The following RXFP2 variants were observed in gnomAD, a reference collection of about 807,000 sequenced individuals.
The protein encoded by RXFP2 is relaxin receptor 2.
A neutral mutation model predicts 88.6 loss-of-function variants in RXFP2; 68 were observed. That is an observed-to-expected ratio of 0.77 (90% CI 0.63 to 0.94). The LOEUF (loss-of-function observed/expected upper bound fraction) is 0.94. Among genes scored for constraint, RXFP2 ranks in the 40% least tolerant of loss-of-function variants. The pLI is 0.00. For synonymous variants in RXFP2, 329 were observed against 306.8 expected (o/e 1.07, Z -0.76); for missense variants, 791 against 893.9 (o/e 0.88, Z 1.47).
intron 14 of RXFP2, among the ~76,000 whole-genome samples, chr13:31,791,333 G>A (rs1359381415): frequency 3.3e-5 from 5 of 152,194 alleles, no homozygotes; most frequent in Admixed American, 3.3e-4. Flanking sequence ...GCCAGTGTCA[G>A]GGAAGAGGAG....
At chr13:31,801,786 A>G (rs923425989) in intron 17 of RXFP2, among the ~76,000 whole-genome samples, 4 of 152,294 alleles carry the variant, frequency 2.6e-5, no homozygotes, top group South Asian at 2.1e-4. Context: ...AGTTTTGTGA[A>G]CCTCACTCTA....
In RXFP2 at chr13:31,797,377, T is replaced by C. The variant is rs779744985; in HGVS notation, c.1963T>C (p.Phe655Leu). The stretch of plus-strand genomic sequence containing the variant: ...TGATGCCATCTGCTGGATTCCTGTA[T>C]TTGTAGTTAAAATCCTTTCCCTCTT... Reference protein sequence around the residue: ...FSDAICWIPVFVVKILSLFRV... With the variant: ...FSDAICWIPVLVVKILSLFRV... Residue 655 changes from phenylalanine (F) to leucine (L), a missense_variant, in exon 17 of 18, where the codon TTT (phenylalanine) becomes CTT (leucine). Physicochemically the swap from Phe to Leu is conservative, Grantham distance 22. Transcript: ENST00000298386. 14 of 1,614,156 alleles carry C rather than the reference T, an allele frequency of 8.7e-6. No homozygotes were observed. The highest frequency in any genetic ancestry group is 4.5e-5 in the East Asian group (2 of 44,874).
intron 5 of RXFP2, among the ~76,000 whole-genome samples, chr13:31,766,565 C>T (rs1872558947): frequency 6.6e-6 from 1 of 152,024 alleles, no homozygotes; most frequent in Non-Finnish European, 1.5e-5. Flanking sequence ...AATATGCTTC[C>T]AGAATCATCC....
At chr13:31,783,068 T>G (rs764519507) in intron 11 of RXFP2, among the ~76,000 whole-genome samples, 12 of 152,220 alleles carry the variant, frequency 7.9e-5, no homozygotes, top group Non-Finnish European at 1.2e-4. Context: ...GACTGGAGTA[T>G]AGTTAATTCC....
At chr13:31,773,362 T>G (rs544249957) in intron 5 of RXFP2, among the ~76,000 whole-genome samples, 1 of 152,158 alleles carries the variant, frequency 6.6e-6, no homozygotes, top group Admixed American at 6.5e-5. Flanking sequence ...AAAATGACCG[T>G]ATTTGTAAAG....
chr13:31,796,728 A>G (rs900453894), intron 16 of RXFP2, among the ~76,000 whole-genome samples: 1 of 152,210 alleles, frequency 6.6e-6, no homozygotes, highest in Admixed American at 6.5e-5. Context: ...CACTGGGCTT[A>G]TATAAAAGAA....
intron 13 of RXFP2, among the ~76,000 whole-genome samples, chr13:31,788,501 T>G (rs776544272): frequency 6.6e-5 from 10 of 152,146 alleles, no homozygotes; most frequent in Non-Finnish European, 1.5e-4. Flanking sequence ...TGAGGTCAAC[T>G]AAGAGAACAG....
At chr13:31,761,217 G>T (rs539549711) in intron 2 of RXFP2, among the ~76,000 whole-genome samples, 1 of 152,104 alleles carries the variant, frequency 6.6e-6, no homozygotes, top group South Asian at 2.1e-4. Context: ...GCCTCCCAAA[G>T]TGCTGAGGTT....
At chr13:31,772,958 A>G (rs969567379) in intron 5 of RXFP2, among the ~76,000 whole-genome samples, 1 of 152,266 alleles carries the variant, frequency 6.6e-6, no homozygotes, top group Non-Finnish European at 1.5e-5. Flanking sequence ...TAAAATGTAA[A>G]TAGCATTAGT....
At position 31,802,602 on chromosome 13, in the gene RXFP2, G is replaced by A. The variant is rs552958527; in HGVS notation, c.*197G>A. 4.7e-5 allele frequency: 30 copies of A among 633,276 alleles called. No homozygotes were observed. The highest frequency in any genetic ancestry group is 6.7e-5 in the Non-Finnish European group (24 of 358,438). The allele number at this position is 633,276 out of a possible 1,614,324, so 39.2% of individuals were successfully genotyped here. A position where few individuals can be genotyped will look rare whatever the true frequency, so the allele number is the denominator to read the frequency against. On this transcript the variant is annotated 3_prime_UTR_variant, in exon 18 of 18. Transcript: ENST00000298386. ...AACCATGCTGAGGACAGCACCAAAG[G>A]TTCCTCTCCTCACCCCACATGCCTG...
At chr13:31,787,078 T>C (rs1195051270) in intron 13 of RXFP2, among the ~76,000 whole-genome samples, 1 of 152,236 alleles carries the variant, frequency 6.6e-6, no homozygotes, top group African/African-American at 2.4e-5. Context: ...GTCCCACAAA[T>C]ATGCACATTC....
chr13:31,776,061 C>CTCTCT (rs1555284037), intron 7 of RXFP2, among the ~76,000 whole-genome samples: 6 of 103,956 alleles, frequency 5.8e-5, no homozygotes, highest in Admixed American at 2.0e-4. Context: ...TTTCTTTCTT[C>CTCTCT]TTCTTTCTTT....
intron 3 of RXFP2, among the ~76,000 whole-genome samples, chr13:31,762,901 G>T (rs569747511): frequency 3.4e-4 from 51 of 151,986 alleles, no homozygotes; most frequent in African/African-American, 1.2e-3. Context: ...TCATAGTTTT[G>T]GGCCTTATGT....
chr13:31,766,213 C>A (rs550611248), intron 5 of RXFP2, among the ~76,000 whole-genome samples, 186 bp downstream of exon 5: 81 of 152,012 alleles, frequency 5.3e-4, no homozygotes, highest in Admixed American at 1.2e-3. Context: ...TTTGAAGGAG[C>A]TGAACCCATT....
intron 1 of RXFP2, among the ~76,000 whole-genome samples, chr13:31,753,026 G>A (rs968903163): frequency 7.2e-5 from 11 of 152,128 alleles, no homozygotes; most frequent in East Asian, 5.8e-4. Flanking sequence ...TGACCAGGTC[G>A]TCTGACTTTT....
intron 9 of RXFP2, among the ~76,000 whole-genome samples, chr13:31,780,229 A>G (rs1417650800): frequency 3.9e-5 from 6 of 152,184 alleles, no homozygotes; most frequent in Admixed American, 3.9e-4. Context: ...CCTGATTGCA[A>G]TTGAGAGCCT....
intron 13 of RXFP2, among the ~76,000 whole-genome samples, chr13:31,787,116 T>C (rs1160865052): frequency 6.6e-6 from 1 of 152,256 alleles, no homozygotes; most frequent in Non-Finnish European, 1.5e-5. Context: ...TATTTTTACA[T>C]TTCAACCATA....
chr13:31,748,713 T>C (rs1871529919), intron 1 of RXFP2, among the ~76,000 whole-genome samples: 1 of 152,130 alleles, frequency 6.6e-6, no homozygotes, highest in African/African-American at 2.4e-5. Context: ...CCAGGCACTG[T>C]GTAAAAATCT....
At chr13:31,754,403 T>C (rs1326695742) in intron 1 of RXFP2, among the ~76,000 whole-genome samples, 1 of 152,102 alleles carries the variant, frequency 6.6e-6, no homozygotes, top group Non-Finnish European at 1.5e-5. Flanking sequence ...TGGTGGCGTG[T>C]GTCTGTAGTC....
Sources: allele counts gnomAD v4.1 joint callset (sites outside exome capture counted in the v4.1 genomes callset), GRCh38; gene constraint gnomAD v4.1.1; transcripts MANE v1.5; gene names NCBI Gene and HGNC (gene_info 2026-07-23, HGNC 2026-07-21).